Variants in SLC24A3 observed in about 807,000 individuals in gnomAD.
SLC24A3 encodes the protein solute carrier family 24 member 3.
A neutral mutation model predicts 75.8 loss-of-function variants in SLC24A3; 28 were observed. The ratio of observed to expected loss-of-function variants is 0.37; its 90% CI spans 0.27 to 0.51. SLC24A3 has a LOEUF of 0.51. SLC24A3 is among the 20% of genes least tolerant of loss of function. SLC24A3 has a pLI of 0.94. For missense variants in SLC24A3, 663 were observed against 847.8 expected, an observed-to-expected ratio of 0.78 and a Z score of 2.71; for synonymous variants, 372 against 334.1, an observed-to-expected ratio of 1.11 and a Z score of -1.24.
intron 2 of SLC24A3, among the ~76,000 whole-genome samples, chr20:19,342,959 A>G (rs914604105): frequency 1.3e-5 from 2 of 150,946 alleles, no homozygotes; most frequent in African/African-American, 4.9e-5. Flanking sequence ...AGTCCCAGCT[A>G]CTCGGGAGGC....
intron 2 of SLC24A3, among the ~76,000 whole-genome samples, chr20:19,418,226 A>T (rs374749528): frequency 1.3e-5 from 2 of 152,368 alleles, no homozygotes; most frequent in African/African-American, 4.8e-5. Flanking sequence ...TGGAGCACAT[A>T]TGAAACATCA....
chr20:19,281,015 C>G lies in SLC24A3; in HGVS notation c.199C>G (p.Leu67Val). ...CAGAAAGTGGATGATGGCGAGGAAG[C>G]TGATGCAGGTGAACGACACTCTGAC... ...EDRKWMMARK[L>V]MQVNDTLTSE... The change falls in exon 2 of 17, where the codon CTG becomes GTG. Residue 67 changes from leucine (L) to valine (V), a missense_variant. Coordinates refer to ENST00000328041, the MANE Select transcript of SLC24A3 (RefSeq NM_020689.4). 6.2e-7 allele frequency: 1 copy of G among 1,614,108 alleles called. No individual in the cohort carries two copies. The highest frequency in any genetic ancestry group is 8.5e-7 in the Non-Finnish European group (1 of 1,180,002).
At chr20:19,387,802 A>G (rs1267526075) in intron 2 of SLC24A3, among the ~76,000 whole-genome samples, 1 of 152,100 alleles carries the variant, frequency 6.6e-6, no homozygotes, top group Non-Finnish European at 1.5e-5. Flanking sequence ...CTGCTGTTGG[A>G]TGGAATGTTC....
chr20:19,652,547 C>A (rs1015573804), intron 6 of SLC24A3, among the ~76,000 whole-genome samples: 2 of 152,160 alleles, frequency 1.3e-5, no homozygotes, highest in African/African-American at 4.8e-5. Context: ...GATGTGAATT[C>A]TCTTCTTGAC....
intron 6 of SLC24A3, among the ~76,000 whole-genome samples, chr20:19,604,830 C>T (rs1219663294): frequency 6.6e-6 from 1 of 152,198 alleles, no homozygotes. Flanking sequence ...CTTCAAAGCA[C>T]CCCACCTTCC....
At chr20:19,536,401 G>T (rs1291961312) in intron 3 of SLC24A3, among the ~76,000 whole-genome samples, 1 of 152,060 alleles carries the variant, frequency 6.6e-6, no homozygotes, top group Non-Finnish European at 1.5e-5. Context: ...GATGGAGTGG[G>T]GCAGGTCTGG....
chr20:19,274,726 G>T (rs997709783), intron 1 of SLC24A3, among the ~76,000 whole-genome samples: 3 of 152,170 alleles, frequency 2.0e-5, no homozygotes, highest in Non-Finnish European at 4.4e-5. Flanking sequence ...AAGACTTCAG[G>T]GGGAGGGGCA....
At chr20:19,515,263 A>T (rs2029961963) in intron 2 of SLC24A3, among the ~76,000 whole-genome samples, 1 of 152,210 alleles carries the variant, frequency 6.6e-6, no homozygotes, top group Non-Finnish European at 1.5e-5. Flanking sequence ...TTATGAAAAT[A>T]TCTGTGGGGC....
intron 6 of SLC24A3, among the ~76,000 whole-genome samples, chr20:19,642,941 A>G (rs2032093247): frequency 6.6e-6 from 1 of 152,168 alleles, no homozygotes; most frequent in Admixed American, 6.6e-5. Flanking sequence ...ATATCTTCCA[A>G]GCACACATTA....
intron 2 of SLC24A3, among the ~76,000 whole-genome samples, chr20:19,474,168 C>A (rs1470612816): frequency 6.6e-6 from 1 of 152,202 alleles, no homozygotes; most frequent in African/African-American, 2.4e-5. Context: ...TCAGCTACTT[C>A]TAAAATTCCC....
intron 2 of SLC24A3, among the ~76,000 whole-genome samples, chr20:19,399,660 G>C (rs549286015): frequency 2.9e-4 from 44 of 152,206 alleles, no homozygotes; most frequent in African/African-American, 9.9e-4. Context: ...TAATTTTATG[G>C]CCCAGAATAT....
chr20:19,490,059 C>G (rs1169160118), intron 2 of SLC24A3, among the ~76,000 whole-genome samples: 1 of 152,178 alleles, frequency 6.6e-6, no homozygotes, highest in East Asian at 1.9e-4. Context: ...TTGTAAACTT[C>G]CAAATACTCC....
At chr20:19,506,086 C>G (rs1988458760) in intron 2 of SLC24A3, among the ~76,000 whole-genome samples, 1 of 152,184 alleles carries the variant, frequency 6.6e-6, no homozygotes, top group Non-Finnish European at 1.5e-5. Context: ...TGCACATTAA[C>G]AATTAAGACT....
intron 1 of SLC24A3, among the ~76,000 whole-genome samples, chr20:19,217,408 C>T (rs1568560081): frequency 6.6e-6 from 1 of 152,188 alleles, no homozygotes; most frequent in African/African-American, 2.4e-5. Flanking sequence ...GTGAATGCCA[C>T]ATATGCATAC....
At chr20:19,685,884 G>C (rs2032670014) in intron 12 of SLC24A3, among the ~76,000 whole-genome samples, 1 of 152,176 alleles carries the variant, frequency 6.6e-6, no homozygotes, top group Non-Finnish European at 1.5e-5. Context: ...TCACGATGAA[G>C]GAGAGATCTG....
rs376213522 is a variant in SLC24A3, at chr20:19,546,501, C to T, written c.348+30937C>T. Among the ~76,000 whole-genome samples the T allele has an allele frequency of 8.5e-5, 13 of 152,336 alleles. 1 individual carries two copies. In the East Asian group the frequency reaches 2.5e-3, roughly 29 times the overall value. ...GGGCTGGAAGGACCGGAGCCCTGCT[C>T]CCTGAACCCCATCACCCTCATGTCT... On this transcript the variant is annotated intron_variant, in intron 3 of 16. Transcript: ENST00000328041.
At chr20:19,690,202 T>C (rs571222622) in intron 12 of SLC24A3, among the ~76,000 whole-genome samples, 1 of 152,310 alleles carries the variant, frequency 6.6e-6, no homozygotes, top group Admixed American at 6.5e-5. Context: ...ATTTCTGCTT[T>C]TAAGGTTCTG....
At chr20:19,221,904 G>T (rs1981725141) in intron 1 of SLC24A3, among the ~76,000 whole-genome samples, 1 of 151,970 alleles carries the variant, frequency 6.6e-6, no homozygotes, top group African/African-American at 2.4e-5. Flanking sequence ...TCTTCTTTAG[G>T]TCTGGAAACT....
chr20:19,352,263 G>A (rs1156652148), intron 2 of SLC24A3, among the ~76,000 whole-genome samples: 2 of 152,296 alleles, frequency 1.3e-5, no homozygotes, highest in East Asian at 1.9e-4. Context: ...TACAGCCTTC[G>A]ATGAGGCCCT....
Sources: gnomAD v4.1 joint callset for allele counts (sites outside exome capture counted in the v4.1 genomes callset) on GRCh38, gnomAD v4.1.1 for gene constraint, MANE v1.5 for transcripts, NCBI Gene and HGNC (gene_info 2026-07-23, HGNC 2026-07-21) for gene names.